Variants in TMEM117 observed in about 807,000 individuals in gnomAD.
TMEM117 encodes the protein transmembrane protein 117.
Under a neutral mutation model 52.4 loss-of-function variants are expected in TMEM117, and 27 were observed. That is an observed-to-expected ratio of 0.51 (90% CI 0.38 to 0.71). TMEM117 has a LOEUF of 0.71. TMEM117 is among the 30% of genes least tolerant of loss of function. The probability of loss-of-function intolerance (pLI) is 0.00; values close to 1 mark genes in which losing one functional copy is unlikely to be tolerated. For synonymous variants in TMEM117, 215 were observed against 206.3 expected (o/e 1.04, Z -0.36); for missense variants, 556 against 630.5 (o/e 0.88, Z 1.26).
Position 44,072,218 on chromosome 12 carries a change from A to C in TMEM117, c.411-71307A>C, listed in dbSNP as rs191087227. 2.7e-3 allele frequency among the ~76,000 whole-genome samples: 404 copies of C among 152,232 alleles called. 3 individuals carry two copies. Among genetic ancestry groups the C allele is most frequent in the African/African-American group, 7.3e-3 (303 of 41,530 alleles). ...CTTGGTAATAATAGAGAAACAACAA[A>C]AAAAAAAATTAAGAGGCAACATACA... On this transcript the variant is annotated intron_variant, in intron 3 of 7. Coordinates refer to ENST00000266534, the MANE Select transcript of TMEM117 (RefSeq NM_032256.3).
chr12:44,029,511 A>G (rs147848839), intron 3 of TMEM117, among the ~76,000 whole-genome samples: 6 of 152,232 alleles, frequency 3.9e-5, no homozygotes, highest in East Asian at 3.9e-4. Flanking sequence ...ACTACTGACA[A>G]GTGGCTGCCC....
intron 3 of TMEM117, among the ~76,000 whole-genome samples, chr12:43,957,594 ATTAT>A (rs1028320036): frequency 3.3e-5 from 5 of 152,176 alleles, no homozygotes; most frequent in African/African-American, 1.2e-4. Flanking sequence ...CTATTTAGAA[ATTAT>A]TTATTTGGTA....
At chr12:44,302,574 A>G (rs556948434) in intron 6 of TMEM117, among the ~76,000 whole-genome samples, 2 of 152,226 alleles carry the variant, frequency 1.3e-5, no homozygotes, top group Admixed American at 1.3e-4. Flanking sequence ...CTGCAAATCA[A>G]TATGTCACTT....
At chr12:44,082,000 T>C (rs1947488884) in intron 3 of TMEM117, among the ~76,000 whole-genome samples, 1 of 151,786 alleles carries the variant, frequency 6.6e-6, no homozygotes, top group African/African-American at 2.4e-5. Flanking sequence ...AGGTAAATAA[T>C]ATTAAAATAT....
At chr12:44,246,545 G>A (rs753810503) in intron 5 of TMEM117, among the ~76,000 whole-genome samples, 5 of 152,120 alleles carry the variant, frequency 3.3e-5, no homozygotes, top group Non-Finnish European at 5.9e-5. Context: ...ATTTAGACAT[G>A]CCACTTTCTC....
intron 6 of TMEM117, among the ~76,000 whole-genome samples, chr12:44,363,139 G>C (rs1405661): frequency 0.039 from 5,955 of 152,268 alleles, 159 homozygotes; most frequent in South Asian, 0.087. Context: ...GGACTGGACA[G>C]ACCTAGGTTT....
chr12:44,259,109 T>C (rs1950293059), intron 5 of TMEM117, among the ~76,000 whole-genome samples: 1 of 152,154 alleles, frequency 6.6e-6, no homozygotes, highest in Non-Finnish European at 1.5e-5. Context: ...CTTTAGCATT[T>C]CCCATGTCAT....
At chr12:44,140,618 T>G (rs533262822) in intron 3 of TMEM117, among the ~76,000 whole-genome samples, 1 of 152,192 alleles carries the variant, frequency 6.6e-6, no homozygotes, top group South Asian at 2.1e-4. Flanking sequence ...CAAAATTTTA[T>G]TTTTCCACAA....
At chr12:44,178,156 C>A (rs563400221) in intron 4 of TMEM117, among the ~76,000 whole-genome samples, 1 of 152,122 alleles carries the variant, frequency 6.6e-6, no homozygotes, top group South Asian at 2.1e-4. Flanking sequence ...TCTGCTGTTA[C>A]CTCTCATGTT....
Position 44,177,791 on chromosome 12 carries a change from T to G in TMEM117, c.511-33499T>G, listed in dbSNP as rs75876808. Among the ~76,000 whole-genome samples the G allele has an allele frequency of 6.8e-3, 1,038 of 152,308 alleles. 14 individuals carry two copies. The highest frequency in any genetic ancestry group is 0.023 in the African/African-American group (973 of 41,578). On this transcript the variant is annotated intron_variant, in intron 4 of 7. Transcript: ENST00000266534. ...GTTAATTTCAGCATTGGATTAATCTTGCAAAATAGACTATGCTTCGATGCC... is the reference window on the plus strand; with the variant it reads ...GTTAATTTCAGCATTGGATTAATCTGGCAAAATAGACTATGCTTCGATGCC...
intron 2 of TMEM117, among the ~76,000 whole-genome samples, chr12:43,917,642 C>G (rs1403646097): frequency 6.6e-6 from 1 of 152,072 alleles, no homozygotes; most frequent in African/African-American, 2.4e-5. Context: ...CTTTTAGTAA[C>G]ATTTATTTTT....
chr12:44,187,364 G>T (rs1269903984), intron 4 of TMEM117, among the ~76,000 whole-genome samples: 1 of 151,952 alleles, frequency 6.6e-6, no homozygotes, highest in African/African-American at 2.4e-5. Context: ...ATTATTCCCT[G>T]TAAGCATAGC....
chr12:44,263,993 A>G (rs1950349184), intron 5 of TMEM117: 1 of 152,234 alleles, frequency 6.6e-6, no homozygotes, highest in African/African-American at 2.4e-5. Flanking sequence ...CTACTCAATT[A>G]GAATCCCTGT....
At chr12:44,164,649 A>G (rs1272753585) in intron 4 of TMEM117, among the ~76,000 whole-genome samples, 1 of 152,202 alleles carries the variant, frequency 6.6e-6, no homozygotes, top group Admixed American at 6.5e-5. Context: ...AAGATTCTGT[A>G]AACTCTGGGA....
chr12:43,872,006 G>T (rs980057054), intron 2 of TMEM117, among the ~76,000 whole-genome samples: 9 of 152,104 alleles, frequency 5.9e-5, no homozygotes, highest in African/African-American at 2.2e-4. Flanking sequence ...TGATCCTCCC[G>T]CCTCAGCCTC....
intron 6 of TMEM117, among the ~76,000 whole-genome samples, chr12:44,313,827 T>C (rs1951020766): frequency 6.6e-6 from 1 of 152,180 alleles, no homozygotes; most frequent in Non-Finnish European, 1.5e-5. Flanking sequence ...ATATCCTTAG[T>C]TGGTTGTATT....
At chr12:43,827,438 A>G in the TMEM117 span, among the ~76,000 whole-genome samples, 2 of 152,194 alleles carry the variant, frequency 1.3e-5, no homozygotes, top group African/African-American at 4.8e-5. Flanking sequence ...TTAACATGCA[A>G]TACTTTGGCA....
intron 6 of TMEM117, among the ~76,000 whole-genome samples, chr12:44,319,430 CT>C (rs1170183818): frequency 6.6e-6 from 1 of 152,164 alleles, no homozygotes; most frequent in Non-Finnish European, 1.5e-5. Context: ...TGCCCACCCC[CT>C]GTTCTGGGTC....
chr12:44,016,723 A>G (rs1946379238), intron 3 of TMEM117, among the ~76,000 whole-genome samples: 1 of 152,178 alleles, frequency 6.6e-6, no homozygotes, highest in Admixed American at 6.5e-5. Flanking sequence ...GGCAGAGGTC[A>G]ATGGTGAACA....
Sources: gnomAD v4.1 joint callset for allele counts (sites outside exome capture counted in the v4.1 genomes callset) on GRCh38, gnomAD v4.1.1 for gene constraint, MANE v1.5 for transcripts, NCBI Gene and HGNC (gene_info 2026-07-23, HGNC 2026-07-21) for gene names.